GLIPR1L1: variants seen among roughly 807,000 people sequenced by gnomAD.
GLIPR1L1 encodes the protein GLIPR1 like 1.
Under a neutral mutation model 29.9 loss-of-function variants are expected in GLIPR1L1, and 26 were observed. The observed-to-expected ratio is 0.87, with a 90% CI of 0.64 to 1.21. The LOEUF is 1.21. Ranked by LOEUF, GLIPR1L1 falls within the 50% of genes most tolerant of loss-of-function variation. The probability of loss-of-function intolerance (pLI) is 0.00; values close to 1 mark genes in which losing one functional copy is unlikely to be tolerated. For missense variants in GLIPR1L1, 305 were observed against 290.3 expected (o/e 1.05, Z -0.37); for synonymous variants, 77 against 97.5 (o/e 0.79, Z 1.24).
intron 4 of GLIPR1L1, among the ~76,000 whole-genome samples, chr12:75,367,268 GAAAAAAA>G (rs35250320): frequency 2.1e-4 from 19 of 88,740 alleles, no homozygotes; most frequent in South Asian, 8.3e-4. Context: ...TTCCTAGGAG[GAAAAAAA>G]AAAAAAAAAA....
chr12:75,361,840 G>A (rs990922681), intron 3 of GLIPR1L1, among the ~76,000 whole-genome samples: 3 of 151,958 alleles, frequency 2.0e-5, no homozygotes, highest in African/African-American at 7.3e-5. Context: ...CTCAACACAT[G>A]GGAATTACAA....
At chr12:75,359,361 T>A (rs2043403353) in intron 3 of GLIPR1L1, among the ~76,000 whole-genome samples, 3 of 130,436 alleles carry the variant, frequency 2.3e-5, no homozygotes, top group African/African-American at 8.7e-5. Context: ...TGTTGTCTTT[T>A]TTTTTTTTTT....
intron 3 of GLIPR1L1, among the ~76,000 whole-genome samples, chr12:75,356,235 A>G (rs755314738): frequency 3.3e-5 from 5 of 152,208 alleles, no homozygotes; most frequent in Non-Finnish European, 7.3e-5. Flanking sequence ...TTAAAAACAA[A>G]AGCAAAATAA....
At chr12:75,364,567 T>C (rs758511440) in intron 4 of GLIPR1L1, among the ~76,000 whole-genome samples, 1 of 152,232 alleles carries the variant, frequency 6.6e-6, no homozygotes, top group Admixed American at 6.5e-5. Context: ...TCATTAACTG[T>C]TAAATTTTTT....
chr12:75,338,992 C>A (rs1593655439), intron 1 of GLIPR1L1, among the ~76,000 whole-genome samples: 1 of 152,186 alleles, frequency 6.6e-6, no homozygotes, highest in East Asian at 1.9e-4. Context: ...TTTTCTTTAT[C>A]CATTCTATCA....
chr12:75,359,807 C>A (rs895527642), intron 3 of GLIPR1L1: 6 of 152,050 alleles, frequency 3.9e-5, no homozygotes, highest in African/African-American at 1.4e-4. Context: ...TATACAACTA[C>A]AAAAATTAAC....
rs376082852 is a variant in GLIPR1L1 at position 75,345,206 on chromosome 12, G to T, written c.420+1268G>T. Reference sequence around the variant, plus strand: ...TATGAGAGTGTATCAAACTTCTCCTGAGCCATAATCTAGAAACTGTCTCCA... The same window carrying T: ...TATGAGAGTGTATCAAACTTCTCCTTAGCCATAATCTAGAAACTGTCTCCA... On this transcript the variant is annotated intron_variant, in intron 2 of 5. Coordinates refer to ENST00000378695, the MANE Select transcript of GLIPR1L1 (RefSeq NM_001304964.2). Among the ~76,000 whole-genome samples the T allele has an allele frequency of 7.2e-5, 11 of 151,994 alleles. No homozygotes were observed. The South Asian group carries it at 1.0e-3, about 14-fold the overall frequency.
At chr12:75,341,711 G>A (rs1001000564) in intron 1 of GLIPR1L1, among the ~76,000 whole-genome samples, 2 of 145,592 alleles carry the variant, frequency 1.4e-5, no homozygotes, top group Non-Finnish European at 3.0e-5. Flanking sequence ...CGCCCAAAGT[G>A]TTGGGATTAA....
intron 3 of GLIPR1L1, among the ~76,000 whole-genome samples, chr12:75,357,778 A>AATC (rs2043248619): frequency 6.6e-6 from 1 of 152,022 alleles, no homozygotes; most frequent in Admixed American, 6.6e-5. Flanking sequence ...AGAATAACTC[A>AATC]AAAAAGAAGT....
intron 4 of GLIPR1L1, among the ~76,000 whole-genome samples, chr12:75,364,568 T>G (rs1472426948): frequency 6.6e-6 from 1 of 152,216 alleles, no homozygotes; most frequent in African/African-American, 2.4e-5. Context: ...CATTAACTGT[T>G]AAATTTTTTT....
intron 1 of GLIPR1L1, among the ~76,000 whole-genome samples, chr12:75,336,155 C>G (rs1314888007): frequency 6.6e-6 from 1 of 151,434 alleles, no homozygotes; most frequent in East Asian, 1.9e-4. Context: ...CTGGATGGAC[C>G]GTGAGAAGTT....
In GLIPR1L1 at chr12:75,334,921, T is replaced by C. The variant is rs762456990; in HGVS notation, c.174+19T>C. 2 of 1,608,948 alleles carry C rather than the reference T, an allele frequency of 1.2e-6. No individual in the cohort carries two copies. Among genetic ancestry groups the C allele is most frequent in the South Asian group, 2.2e-5 (2 of 90,532 alleles). Reference sequence around the variant, plus strand: ...ATACATGGTGAGAAAGAACCAGGGCTGGGCTCTTAAATCCCTGACTCATCC... The same window carrying C: ...ATACATGGTGAGAAAGAACCAGGGCCGGGCTCTTAAATCCCTGACTCATCC... On this transcript the variant is annotated intron_variant, in intron 1 of 5. Coordinates refer to ENST00000378695, the MANE Select transcript of GLIPR1L1 (RefSeq NM_001304964.2).
At chr12:75,354,253 C>T (rs1253927981) in intron 3 of GLIPR1L1, among the ~76,000 whole-genome samples, 1 of 151,720 alleles carries the variant, frequency 6.6e-6, no homozygotes, top group Non-Finnish European at 1.5e-5. Context: ...TCTAGAAAAC[C>T]CCATTATCTC....
rs934965239 is a variant in GLIPR1L1, at chr12:75,343,875, T to C, written c.357T>C (p.Asn119=). 1 of 1,612,234 alleles carries C rather than the reference T, an allele frequency of 6.2e-7. No homozygotes were observed. Among genetic ancestry groups the C allele is most frequent in the Non-Finnish European group, 8.5e-7 (1 of 1,178,568 alleles). The change falls in exon 2 of 6, where the codon AAT becomes AAC. Residue 119 remains asparagine, a synonymous_variant. Coordinates refer to ENST00000378695, the MANE Select transcript of GLIPR1L1 (RefSeq NM_001304964.2). ...TPRHAITAWY[N]ETQFYDFDSL... ...GACATGCCATTACGGCTTGGTATAA[T>C]GAAACCCAATTTTATGATTTTGATA...
intron 1 of GLIPR1L1, among the ~76,000 whole-genome samples, chr12:75,341,863 C>T (rs1172998361): frequency 6.6e-6 from 1 of 151,222 alleles, no homozygotes; most frequent in Non-Finnish European, 1.5e-5. Context: ...AATTCTCCTC[C>T]TCATCCTCCT....
chr12:75,347,049 A>G (rs1055053409), intron 2 of GLIPR1L1, among the ~76,000 whole-genome samples: 10 of 151,486 alleles, frequency 6.6e-5, no homozygotes, highest in Non-Finnish European at 1.3e-4. Context: ...CTTCCTTTTG[A>G]ATAACTTTGC....
At chr12:75,338,802 C>A (rs572729210) in intron 1 of GLIPR1L1, among the ~76,000 whole-genome samples, 1 of 151,310 alleles carries the variant, frequency 6.6e-6, no homozygotes, top group East Asian at 2.0e-4. Flanking sequence ...CCCCATGTGT[C>A]CATGTGTTCT....
intron 3 of GLIPR1L1, among the ~76,000 whole-genome samples, chr12:75,355,767 T>C (rs916089071): frequency 3.9e-5 from 6 of 152,126 alleles, no homozygotes; most frequent in Admixed American, 3.9e-4. Flanking sequence ...GAAAATGTGG[T>C]ACATATACAA....
intron 1 of GLIPR1L1, among the ~76,000 whole-genome samples, chr12:75,335,811 T>G (rs1336301578): frequency 6.6e-6 from 1 of 152,032 alleles, no homozygotes; most frequent in African/African-American, 2.4e-5. Context: ...GTTTACCAGC[T>G]TGGGGTTGTC....
Sources: gnomAD v4.1 joint callset for allele counts (sites outside exome capture counted in the v4.1 genomes callset) on GRCh38, gnomAD v4.1.1 for gene constraint, MANE v1.5 for transcripts, NCBI Gene and HGNC (gene_info 2026-07-23, HGNC 2026-07-21) for gene names.